DHDDS: variants seen among roughly 807,000 people sequenced by gnomAD.
DHDDS encodes the protein dehydrodolichyl diphosphate synthase subunit, also known as dehydrodolichyl diphosphate synthase complex subunit DHDDS.
A neutral mutation model predicts 46.2 loss-of-function variants in DHDDS; 16 were observed. The ratio of observed to expected loss-of-function variants is 0.35; its 90% CI spans 0.23 to 0.53. The LOEUF (loss-of-function observed/expected upper bound fraction) is 0.53, where lower values mean the gene tolerates loss of function less well. Among genes scored for constraint, DHDDS ranks in the 20% least tolerant of loss-of-function variants. The pLI, the probability that DHDDS is intolerant of heterozygous loss-of-function variation, is 0.94. For synonymous variants in DHDDS, 151 were observed against 163.1 expected (o/e 0.93, Z 0.56); for missense variants, 340 against 423.7 (o/e 0.80, Z 1.73).
At chr1:26,458,737 C>CAAAAAAAAAAAAAA (rs11381495) in intron 7 of DHDDS, among the ~76,000 whole-genome samples, 1 of 71,678 alleles carries the variant, frequency 1.4e-5, no homozygotes, top group Non-Finnish European at 2.7e-5. Flanking sequence ...GACTCTGTCG[C>CAAAAAAAAAAAAAA]AAAAAAAAAA....
intron 8 of DHDDS, 87 bp from the exon 9 acceptor site, chr1:26,468,808 T>G: frequency 3.2e-4 from 119 of 370,742 alleles, no homozygotes; most frequent in Non-Finnish European, 5.0e-4. Context: ...TGGCCCACCC[T>G]GTGCCCCACC....
Position 26,470,879 on chromosome 1 carries a change from G to A in DHDDS, c.*1748G>A, listed in dbSNP as rs2075549163. On this transcript the variant is annotated 3_prime_UTR_variant, in exon 9 of 9. Transcript: ENST00000236342. ...GAATGAGGGGCTGGAGGCAGCAAACGGAATCTGCCCTATGAGCGTGGCTGT... is the reference window on the plus strand; with the variant it reads ...GAATGAGGGGCTGGAGGCAGCAAACAGAATCTGCCCTATGAGCGTGGCTGT... 1 of 152,748 alleles carries A rather than the reference G, an allele frequency of 6.5e-6. No individual in the cohort carries two copies. The highest frequency in any genetic ancestry group is 2.4e-5 in the African/African-American group (1 of 41,444). 9.5% of individuals were successfully genotyped at this position (152,748 alleles called of 1,614,324 possible).
At chr1:26,434,365 C>A (rs1396774346) in intron 2 of DHDDS, among the ~76,000 whole-genome samples, 3 of 152,194 alleles carry the variant, frequency 2.0e-5, no homozygotes, top group Admixed American at 1.3e-4. Context: ...ATACAAGCCC[C>A]ACACATGCTC....
In DHDDS at chr1:26,470,775, T is replaced by C. The variant is rs1464365112; in HGVS notation, c.*1644T>C. 1 of 152,686 alleles carries C rather than the reference T, an allele frequency of 6.5e-6. No individual in the cohort carries two copies. The highest frequency in any genetic ancestry group is 2.4e-5 in the African/African-American group (1 of 41,450). 9.5% of individuals were successfully genotyped at this position (152,686 alleles called of 1,614,324 possible). On this transcript the variant is annotated 3_prime_UTR_variant, in exon 9 of 9. Coordinates refer to ENST00000236342, the MANE Select transcript of DHDDS (RefSeq NM_205861.3). ...GCAGGTGCTGTACATTTTACAGCTT[T>C]ACAATGGGGCTGTTGACAGCCATAA... is the stretch of plus-strand genomic sequence containing the variant.
chr1:26,447,455 T>C, intron 5 of DHDDS, 104 bp from the exon 6 acceptor site: 1 of 895,100 alleles, frequency 1.1e-6, no homozygotes, highest in South Asian at 1.4e-5. Context: ...TTGATGTGTA[T>C]TTGTTTTTCT....
chr1:26,446,467 C>G (rs1338728365), intron 5 of DHDDS, 35 bp downstream of exon 5: 4 of 1,593,828 alleles, frequency 2.5e-6, no homozygotes, highest in Non-Finnish European at 3.4e-6. Flanking sequence ...GGAGCTGTTT[C>G]AATCTTTGAT....
At chr1:26,456,753 G>A (rs1570355676) in intron 6 of DHDDS, among the ~76,000 whole-genome samples, 1 of 152,296 alleles carries the variant, frequency 6.6e-6, no homozygotes, top group East Asian at 1.9e-4. Flanking sequence ...AAAAGAAATA[G>A]TCTTTTCTTC....
At chr1:26,437,976 G>C (rs1440279046) in intron 2 of DHDDS, among the ~76,000 whole-genome samples, 192 bp from the exon 3 acceptor site, 8 of 152,074 alleles carry the variant, frequency 5.3e-5, no homozygotes, top group Non-Finnish European at 1.0e-4. Flanking sequence ...GTGAGATCCT[G>C]CCTCAAAATA....
At chr1:26,458,710 C>T (rs1404074837) in intron 7 of DHDDS, among the ~76,000 whole-genome samples, 1 of 148,752 alleles carries the variant, frequency 6.7e-6, no homozygotes, top group African/African-American at 2.5e-5. Flanking sequence ...TGCACTCCAG[C>T]CTGGGCAACA....
chr1:26,436,517 G>A (rs568331533), intron 2 of DHDDS, among the ~76,000 whole-genome samples: 48 of 152,044 alleles, frequency 3.2e-4, no homozygotes, highest in African/African-American at 1.1e-3. Context: ...TCCGCCTCCC[G>A]GGTTCATGCC....
chr1:26,438,369 G>A (rs1179218573), intron 3 of DHDDS, 85 bp downstream of exon 3: 2 of 1,223,318 alleles, frequency 1.6e-6, no homozygotes, highest in Non-Finnish European at 2.4e-6. Flanking sequence ...GTTTGCTGTG[G>A]TTGGAGAGTG....
Position 26,470,014 on chromosome 1 carries a change from C to CT in DHDDS, c.*884dup, listed in dbSNP as rs1409789569. ...CTCCCTGCCCTCACCATCTCAAACT[C>CT]TGATTCCCACTCCACTCTTCGAGGT... On this transcript the variant is annotated 3_prime_UTR_variant, in exon 9 of 9. Coordinates refer to ENST00000236342, the MANE Select transcript of DHDDS (RefSeq NM_205861.3). The CT allele has an allele frequency of 2.7e-4, 41 of 152,498 alleles. No homozygotes were observed. The highest frequency in any genetic ancestry group is 9.6e-4 in the African/African-American group (40 of 41,580). 9.4% of individuals were successfully genotyped at this position (152,498 alleles called of 1,614,324 possible).
intron 8 of DHDDS, among the ~76,000 whole-genome samples, chr1:26,460,993 C>T (rs1473045909): frequency 1.3e-5 from 2 of 152,162 alleles, no homozygotes; most frequent in Admixed American, 1.3e-4. Flanking sequence ...CCTGTCTCAG[C>T]CTCCCAACTA....
At chr1:26,468,807 C>CG in intron 8 of DHDDS, 88 bp from the exon 9 acceptor site, 2 of 1,186,218 alleles carry the variant, frequency 1.7e-6, no homozygotes, top group Non-Finnish European at 2.4e-6. Context: ...TTGGCCCACC[C>CG]TGTGCCCCAC....
chr1:26,463,068 C>T (rs948053054), intron 8 of DHDDS, among the ~76,000 whole-genome samples: 4 of 152,162 alleles, frequency 2.6e-5, no homozygotes, highest in Non-Finnish European at 4.4e-5. Flanking sequence ...AGAGTCAGAC[C>T]TTGGCTCATA....
At chr1:26,454,245 G>A (rs2075349476) in intron 6 of DHDDS, among the ~76,000 whole-genome samples, 1 of 152,022 alleles carries the variant, frequency 6.6e-6, no homozygotes, top group South Asian at 2.1e-4. Flanking sequence ...GAGCCACCGC[G>A]CCTGGCCAAC....
At chr1:26,468,813 C>CCCCCCCCCCA in intron 8 of DHDDS, 82 bp from the exon 9 acceptor site, 1 of 1,333,666 alleles carries the variant, frequency 7.5e-7, no homozygotes, top group Non-Finnish European at 1.0e-6. Context: ...CACCCTGTGC[C>CCCCCCCCCCA]CCACCCCCTA....
chr1:26,456,942 G>A (rs1215894040), intron 6 of DHDDS, among the ~76,000 whole-genome samples: 2 of 152,086 alleles, frequency 1.3e-5, no homozygotes, highest in Non-Finnish European at 2.9e-5. Flanking sequence ...CCAAATCAGT[G>A]CATTTAGATT....
intron 4 of DHDDS, among the ~76,000 whole-genome samples, chr1:26,444,627 TC>T (rs2124415908): frequency 6.6e-6 from 1 of 152,182 alleles, no homozygotes; most frequent in Non-Finnish European, 1.5e-5. Flanking sequence ...ATGCCTATAA[TC>T]CCAGCTATGT....
Sources: allele counts gnomAD v4.1 joint callset (sites outside exome capture counted in the v4.1 genomes callset), GRCh38; gene constraint gnomAD v4.1.1; transcripts MANE v1.5; gene names NCBI Gene and HGNC (gene_info 2026-07-23, HGNC 2026-07-21).